RGS18: variants seen among roughly 807,000 people sequenced by gnomAD.
RGS18 encodes regulator of G-protein signaling 18.
In RGS18, 22 loss-of-function variants were observed where a neutral mutation model predicts 27.6. The observed-to-expected ratio is 0.80, with a 90% CI of 0.57 to 1.14. RGS18 has a LOEUF of 1.14. Ranked by LOEUF, RGS18 falls within the 50% of genes most tolerant of loss-of-function variation. RGS18 has a pLI of 0.00. For missense variants in RGS18, 299 were observed against 269.6 expected, an observed-to-expected ratio of 1.11 and a Z score of -0.76; for synonymous variants, 89 against 84.6, an observed-to-expected ratio of 1.05 and a Z score of -0.29.
intron 3 of RGS18, among the ~76,000 whole-genome samples, chr1:192,176,802 G>A (rs903908751): frequency 2.0e-5 from 3 of 151,712 alleles, no homozygotes; most frequent in Non-Finnish European, 4.4e-5. Flanking sequence ...GTTGAACAAA[G>A]TAAGGAATAC....
At chr1:192,166,785 A>G (rs1211609855) in intron 3 of RGS18, among the ~76,000 whole-genome samples, 2 of 152,216 alleles carry the variant, frequency 1.3e-5, no homozygotes, top group African/African-American at 4.8e-5. Context: ...AGAACAGAGT[A>G]GAGTTTGAAC....
chr1:192,160,667 A>T (rs1021288057), intron 3 of RGS18: 2 of 443,964 alleles, frequency 4.5e-6, no homozygotes, highest in Non-Finnish European at 8.0e-6. Flanking sequence ...AATATTAGTT[A>T]TTTATACTGT....
chr1:192,170,761 GTCAA>G (rs1383261980), intron 3 of RGS18, among the ~76,000 whole-genome samples: 1 of 151,934 alleles, frequency 6.6e-6, no homozygotes, highest in East Asian at 1.9e-4. Context: ...TCAAGCTGCT[GTCAA>G]TCAGCAGCCA....
At chr1:192,172,988 T>C (rs1462605117) in intron 3 of RGS18, among the ~76,000 whole-genome samples, 4 of 150,766 alleles carry the variant, frequency 2.7e-5, no homozygotes, top group Non-Finnish European at 5.9e-5. Context: ...TCCATGTATC[T>C]GTTATAAAAA....
chr1:192,176,002 A>G (rs958222195), intron 3 of RGS18, among the ~76,000 whole-genome samples: 3 of 151,812 alleles, frequency 2.0e-5, no homozygotes, highest in Non-Finnish European at 4.4e-5. Flanking sequence ...TGATGTTCCA[A>G]TTGCATGGCA....
At chr1:192,183,331 A>G (rs1171524175) in intron 4 of RGS18, among the ~76,000 whole-genome samples, 1 of 151,626 alleles carries the variant, frequency 6.6e-6, no homozygotes, top group Non-Finnish European at 1.5e-5. Context: ...GTTTGCTTGG[A>G]GGAAATCATC....
At chr1:192,164,990 A>G (rs1332546213) in intron 3 of RGS18, among the ~76,000 whole-genome samples, 1 of 152,180 alleles carries the variant, frequency 6.6e-6, no homozygotes, top group Non-Finnish European at 1.5e-5. Context: ...GGAGATAACC[A>G]TTAGGTCTGA....
chr1:192,164,512 A>C (rs1656129772), intron 3 of RGS18, among the ~76,000 whole-genome samples: 1 of 152,164 alleles, frequency 6.6e-6, no homozygotes, highest in African/African-American at 2.4e-5. Context: ...AAAATTAAAA[A>C]AAAAATGAGT....
chr1:192,163,110 A>G (rs1656101288), intron 3 of RGS18, among the ~76,000 whole-genome samples: 1 of 152,172 alleles, frequency 6.6e-6, no homozygotes. Flanking sequence ...CTCGACTGTA[A>G]ATGAAGATAA....
In RGS18 at chr1:192,184,661, T is replaced by A. The variant is rs1207020228; in HGVS notation, c.*107T>A. ...CCATCCTTTAAACTGAAATATGTCA[T>A]GTGAAATTATTTTAAAAATGTAAAA... On this transcript the variant is annotated 3_prime_UTR_variant, in exon 5 of 5. Transcript: ENST00000367460. 11 of 1,064,138 alleles carry A rather than the reference T, an allele frequency of 1.0e-5. No individual in the cohort carries two copies. The Admixed American group carries it at 3.0e-4, about 29-fold the overall frequency. The allele number at this position is 1,064,138 out of a possible 1,614,324, so 65.9% of individuals were successfully genotyped here.
intron 3 of RGS18, 25 bp from the exon 4 acceptor site, chr1:192,181,267 G>C (rs1339355656): frequency 8.0e-7 from 1 of 1,252,056 alleles, no homozygotes; most frequent in Admixed American, 2.4e-5. Context: ...CCATTTTATA[G>C]TTATATTATT....
intron 3 of RGS18, among the ~76,000 whole-genome samples, chr1:192,180,126 T>C (rs1323768323): frequency 6.6e-6 from 1 of 151,648 alleles, no homozygotes; most frequent in Non-Finnish European, 1.5e-5. Context: ...GAAGTCACAT[T>C]GTCTTAAGGT....
chr1:192,178,768 G>A (rs1656400195), intron 3 of RGS18, among the ~76,000 whole-genome samples: 1 of 151,624 alleles, frequency 6.6e-6, no homozygotes, highest in South Asian at 2.1e-4. Flanking sequence ...AGATATGTCA[G>A]TAGCTACAGG....
chr1:192,158,789 CT>C, intron 1 of RGS18, 33 bp downstream of exon 1: 1 of 1,376,172 alleles, frequency 7.3e-7, no homozygotes, highest in Non-Finnish European at 1.0e-6. Context: ...CAGCCTTATA[CT>C]TTTAAAAGCA....
intron 4 of RGS18, among the ~76,000 whole-genome samples, 166 bp downstream of exon 4, chr1:192,181,624 A>G (rs570201779): frequency 3.0e-4 from 45 of 151,642 alleles, no homozygotes; most frequent in Non-Finnish European, 5.8e-4. Flanking sequence ...ATGTTTTAAT[A>G]TATGTATGCA....
At chr1:192,181,547 CTTA>C (rs1380646068) in intron 4 of RGS18, 89 bp downstream of exon 4, 3 of 887,504 alleles carry the variant, frequency 3.4e-6, no homozygotes, top group African/African-American at 1.8e-5. Context: ...ATTTTTCCAA[CTTA>C]TTTTTATTAA....
At chr1:192,166,889 T>C (rs1656172624) in intron 3 of RGS18, among the ~76,000 whole-genome samples, 1 of 152,164 alleles carries the variant, frequency 6.6e-6, no homozygotes. Flanking sequence ...AAAGAGATTT[T>C]CTAACCAGCT....
intron 3 of RGS18, among the ~76,000 whole-genome samples, chr1:192,167,325 C>T (rs1364399853): frequency 6.6e-6 from 1 of 152,088 alleles, no homozygotes; most frequent in Non-Finnish European, 1.5e-5. Context: ...GTTACAGTTC[C>T]TAATTTTTGG....
At chr1:192,178,775 C>G (rs1204548296) in intron 3 of RGS18, among the ~76,000 whole-genome samples, 4 of 151,572 alleles carry the variant, frequency 2.6e-5, no homozygotes, top group Non-Finnish European at 5.9e-5. Context: ...TCAGTAGCTA[C>G]AGGAATATTT....
Sources: gnomAD v4.1 joint callset for allele counts (sites outside exome capture counted in the v4.1 genomes callset) on GRCh38, gnomAD v4.1.1 for gene constraint, MANE v1.5 for transcripts, NCBI Gene and HGNC (gene_info 2026-07-23, HGNC 2026-07-21) for gene names.